ADAM9: variants seen among roughly 807,000 people sequenced by gnomAD.
ADAM9 encodes disintegrin and metalloproteinase domain-containing protein 9.
A neutral mutation model predicts 108.1 loss-of-function variants in ADAM9; 54 were observed. That is an observed-to-expected ratio of 0.50 (90% confidence interval 0.40 to 0.63). The LOEUF is 0.63. Ranked by LOEUF, ADAM9 falls within the 20% of genes least tolerant of loss-of-function variation. The pLI is 0.00. For missense variants in ADAM9, 830 were observed against 997.7 expected (o/e 0.83, Z 2.26); for synonymous variants, 316 against 336.0 (o/e 0.94, Z 0.65).
chr8:39,096,347 GT>G (rs1839506593), intron 20 of ADAM9, among the ~76,000 whole-genome samples: 5 of 125,798 alleles, frequency 4.0e-5, no homozygotes, highest in East Asian at 3.0e-4. Flanking sequence ...CACATATATT[GT>G]GATATCTTTG....
chr8:39,045,566 GTGTGTA>G lies in ADAM9; in HGVS notation c.1302+3451_1302+3456del, dbSNP rs1295511366. On this transcript the variant is annotated intron_variant, in intron 12 of 21. Coordinates refer to ENST00000487273, the MANE Select transcript of ADAM9 (RefSeq NM_003816.3). Reference sequence around the variant, plus strand: ...TATATGTGTGTGTGTATATGTGTGTGTGTGTATATATATATATATATAAAAGATTTT... The same window carrying G: ...TATATGTGTGTGTGTATATGTGTGTGTATATATATATATATAAAAGATTTT... Among the ~76,000 whole-genome samples, 4 of 58,346 alleles carry G rather than the reference GTGTGTA, an allele frequency of 6.9e-5. No homozygotes were observed. The East Asian group carries it at 4.3e-3, about 63-fold the overall frequency. 38.3% of individuals were successfully genotyped at this position (58,346 alleles called of 152,430 possible).
chr8:39,045,406 A>ACG lies in ADAM9; in HGVS notation c.1302+3289_1302+3290insCG, dbSNP rs1564301474. ...TATAGGTGTGTGTACACACACCTAT[A>ACG]TGTGCGCGTGTGTACACACACCTAT... On this transcript the variant is annotated intron_variant, in intron 12 of 21. Coordinates refer to ENST00000487273, the MANE Select transcript of ADAM9 (RefSeq NM_003816.3). Among the ~76,000 whole-genome samples, 8 of 137,944 alleles carry ACG rather than the reference A, an allele frequency of 5.8e-5. 1 individual carries two copies. Among genetic ancestry groups the ACG allele is most frequent in the African/African-American group, 1.9e-4 (6 of 32,282 alleles). 90.5% of individuals were successfully genotyped at this position (137,944 alleles called of 152,430 possible). A position where few individuals can be genotyped will look rare whatever the true frequency, so the allele number is the denominator to read the frequency against.
In ADAM9 at chr8:39,104,092, G is replaced by A. The variant is rs1054095978; in HGVS notation, c.*392G>A. 4.4e-6 allele frequency: 2 copies of A among 458,634 alleles called. No individual in the cohort carries two copies. The highest frequency in any genetic ancestry group is 2.0e-5 in the African/African-American group (1 of 50,228). 28.4% of individuals were successfully genotyped at this position (458,634 alleles called of 1,614,324 possible). A position where few individuals can be genotyped will look rare whatever the true frequency, so the allele number is the denominator to read the frequency against. On this transcript the variant is annotated 3_prime_UTR_variant, in exon 22 of 22. Transcript: ENST00000487273. Reference sequence around the variant, plus strand: ...TTCTACCTTAGTTATCATTAATGTAGTTCCTCATTGAACATGTGATAATCT... The same window carrying A: ...TTCTACCTTAGTTATCATTAATGTAATTCCTCATTGAACATGTGATAATCT...
intron 8 of ADAM9, among the ~76,000 whole-genome samples, chr8:39,022,719 A>AT (rs971270336): frequency 6.9e-4 from 101 of 146,928 alleles, no homozygotes; most frequent in African/African-American, 1.8e-3. Context: ...GTTTTATTGT[A>AT]TTTTTTTTTT....
intron 20 of ADAM9, 70 bp downstream of exon 20, chr8:39,091,416 C>A: frequency 3.1e-6 from 4 of 1,301,380 alleles, no homozygotes; most frequent in Admixed American, 3.4e-5. Context: ...ATTAAAAACA[C>A]AGTTATATAG....
chr8:39,023,394 A>C, intron 9 of ADAM9, 69 bp downstream of exon 9: 1 of 1,457,506 alleles, frequency 6.9e-7, no homozygotes, highest in Non-Finnish European at 9.3e-7. Context: ...ATTTTCTTGT[A>C]TTAGAATTAT....
chr8:39,077,676 G>A (rs913055851), intron 16 of ADAM9, among the ~76,000 whole-genome samples: 27 of 152,026 alleles, frequency 1.8e-4, no homozygotes, highest in African/African-American at 6.5e-4. Flanking sequence ...CAATTTATTA[G>A]CCAGTTTGCT....
intron 10 of ADAM9, 123 bp from the exon 11 acceptor site, chr8:39,026,554 G>A (rs1458080156): frequency 8.2e-7 from 1 of 1,226,942 alleles, no homozygotes. Context: ...TTGGATGCTT[G>A]ATTTATCACG....
intron 1 of ADAM9, among the ~76,000 whole-genome samples, chr8:39,001,143 C>G (rs1038790183): frequency 2.6e-5 from 4 of 152,098 alleles, no homozygotes; most frequent in Non-Finnish European, 4.4e-5. Context: ...TATCTTGGGC[C>G]TAACCTCCCA....
intron 20 of ADAM9, among the ~76,000 whole-genome samples, chr8:39,094,261 C>T (rs762074821): frequency 6.6e-6 from 1 of 152,098 alleles, no homozygotes; most frequent in Non-Finnish European, 1.5e-5. Flanking sequence ...TCCTCGCATC[C>T]CCAGAATAAA....
At chr8:39,052,125 T>C (rs776456742) in intron 12 of ADAM9, among the ~76,000 whole-genome samples, 2 of 152,174 alleles carry the variant, frequency 1.3e-5, no homozygotes, top group Non-Finnish European at 2.9e-5. Context: ...CAACAGTATA[T>C]TATGCCATTG....
At chr8:39,040,647 C>T (rs1028045750) in intron 11 of ADAM9, among the ~76,000 whole-genome samples, 2 of 152,172 alleles carry the variant, frequency 1.3e-5, no homozygotes, top group African/African-American at 4.8e-5. Flanking sequence ...TTCTCCCAAT[C>T]TGCAGACTTT....
Position 39,023,137 on chromosome 8 carries a change from T to C in ADAM9, c.745-19T>C. On this transcript the variant is annotated intron_variant, in intron 8 of 21. Coordinates refer to ENST00000487273, the MANE Select transcript of ADAM9 (RefSeq NM_003816.3). ...CGTTCTTTACTATATTTTATATACTTTTATTTCTTTCTTCCCAGATGTATA... is the reference window on the plus strand; with the variant it reads ...CGTTCTTTACTATATTTTATATACTCTTATTTCTTTCTTCCCAGATGTATA... 6.3e-7 allele frequency: 1 copy of C among 1,598,532 alleles called. No homozygotes were observed. Among genetic ancestry groups the C allele is most frequent in the African/African-American group, 1.3e-5 (1 of 74,482 alleles).
chr8:39,018,881 G>A lies in ADAM9; in HGVS notation c.635G>A (p.Arg212Gln). The A allele has an allele frequency of 3.7e-6, 6 of 1,613,940 alleles. No homozygotes were observed. The highest frequency in any genetic ancestry group is 5.1e-6 in the Non-Finnish European group (6 of 1,179,948). ...AGAAGAGCTGTCTTGCCACAGACCCGGTATGTGGAGCTGTTCATTGTCGTA... is the reference window on the plus strand; with the variant it reads ...AGAAGAGCTGTCTTGCCACAGACCCAGTATGTGGAGCTGTTCATTGTCGTA... ...RRRRAVLPQT[R>Q]YVELFIVVDK... The change falls in exon 7 of 22, where the codon CGG becomes CAG. Residue 212 changes from arginine (R) to glutamine (Q), a missense_variant. By Grantham distance (43) the Arg-to-Gln change is conservative (BLOSUM62 1). This residue lies in a region of ADAM9 where 381 missense variants were observed against 539.8 expected (regional missense o/e 0.71). Transcript: ENST00000487273.
At chr8:39,022,832 G>T (rs1336695439) in intron 8 of ADAM9, among the ~76,000 whole-genome samples, 1 of 151,958 alleles carries the variant, frequency 6.6e-6, no homozygotes, top group South Asian at 2.1e-4. Flanking sequence ...TCCTGCCTCA[G>T]CCTCCCAAGT....
rs1839299533 is a variant in ADAM9 at position 39,090,058 on chromosome 8, G to T, written c.2080G>T (p.Ala694Ser). 1 of 1,613,796 alleles carries T rather than the reference G, an allele frequency of 6.2e-7. No individual in the cohort carries two copies. Among genetic ancestry groups the T allele is most frequent in the Non-Finnish European group, 8.5e-7 (1 of 1,179,894 alleles). Residue 694 changes from alanine (A) to serine (S), a missense_variant, in exon 19 of 22, where the codon GCA becomes TCA. Around this residue, in one of 3 missense-constraint regions of ADAM9, gnomAD observed 238 missense variants for 235.7 expected, o/e 1.01. Transcript: ENST00000487273. ...ATTCTTCTCTCTAGAAATGAATACT[G>T]CATTGAGGGACGGACTTCTGGTCTT... Reference protein sequence around the residue: ...SGPTYNEMNTALRDGLLVFFF... With the variant: ...SGPTYNEMNTSLRDGLLVFFF...
rs146444601 is a variant in ADAM9, at chr8:38,998,991, TAAG to T, written c.97+1834_97+1836del. On this transcript the variant is annotated intron_variant, in intron 1 of 21. Transcript: ENST00000487273. ...GGTGCGACCTAATCTCATTTTCTGT[TAAG>T]AAAACGGGCAACACGGTGGAGGATA... 9.8e-3 allele frequency among the ~76,000 whole-genome samples: 1,485 copies of T among 152,164 alleles called. 23 individuals are homozygous for T. The highest frequency in any genetic ancestry group is 0.034 in the African/African-American group (1,425 of 41,496).
At chr8:39,023,680 T>G (rs1306791562) in intron 9 of ADAM9, among the ~76,000 whole-genome samples, 1 of 152,072 alleles carries the variant, frequency 6.6e-6, no homozygotes. Flanking sequence ...TGAGTTCTGA[T>G]TACTCTAGGC....
At chr8:39,079,539 T>C (rs536442328) in intron 16 of ADAM9, among the ~76,000 whole-genome samples, 15 of 152,332 alleles carry the variant, frequency 9.8e-5, no homozygotes, top group Non-Finnish European at 1.9e-4. Flanking sequence ...CAGTCAGTTA[T>C]ATCTATGTAA....
Sources: allele counts gnomAD v4.1 joint callset (sites outside exome capture counted in the v4.1 genomes callset), GRCh38; gene constraint gnomAD v4.1.1; regional missense constraint gnomAD v4.1.1; transcripts MANE v1.5; gene names NCBI Gene and HGNC (gene_info 2026-07-23, HGNC 2026-07-21).